Variants in CFAP100 observed in about 807,000 individuals in gnomAD.
CFAP100 encodes cilia and flagella associated protein 100.
CFAP100 carries 70 observed loss-of-function variants against 81.5 expected under a neutral mutation model. That is an observed-to-expected ratio of 0.86 (90% CI 0.71 to 1.05). CFAP100 has a LOEUF of 1.05. Among genes scored for constraint, CFAP100 ranks in the 50% least tolerant of loss-of-function variants. The probability of loss-of-function intolerance (pLI) is 0.00; values close to 1 mark genes in which losing one functional copy is unlikely to be tolerated. For missense variants in CFAP100, 811 were observed against 776.5 expected (o/e 1.04, Z -0.53); for synonymous variants, 341 against 314.8 (o/e 1.08, Z -0.88).
intron 2 of CFAP100, chr3:126,396,356 C>T: frequency 3.1e-6 from 1 of 325,872 alleles, no homozygotes; most frequent in Non-Finnish European, 5.6e-6. Context: ...CCGGGCCTCT[C>T]TCCTGGTTTC....
chr3:126,433,471 C>A, intron 14 of CFAP100: 1 of 413,100 alleles, frequency 2.4e-6, no homozygotes, highest in South Asian at 3.4e-5. Flanking sequence ...TTGTGTCTGG[C>A]AAGGTGATCC....
At position 126,420,224 on chromosome 3, in the gene CFAP100, C is replaced by T; in HGVS notation, c.1077C>T (p.Ser359=). Reference sequence around the variant, plus strand: ...CCAGCGAGTCCAGCGGTGGCGACTCCAGAGGGTGAGTGGGCTCGGGTGGTT... The same window carrying T: ...CCAGCGAGTCCAGCGGTGGCGACTCTAGAGGGTGAGTGGGCTCGGGTGGTT... ...SQPSESSGGD[S]RGSNSPIPPT... is the part of the protein sequence containing the mutation. Residue 359 remains serine, a synonymous_variant, in exon 11 of 17, where the codon TCC becomes TCT. Coordinates refer to ENST00000352312, the MANE Select transcript of CFAP100 (RefSeq NM_182628.3). The T allele has an allele frequency of 6.2e-7, 1 of 1,611,842 alleles. No homozygotes were observed. Among genetic ancestry groups the T allele is most frequent in the Non-Finnish European group, 8.5e-7 (1 of 1,179,900 alleles).
chr3:126,434,487 C>T (rs1933367241), intron 15 of CFAP100, 106 bp downstream of exon 15: 1 of 1,094,332 alleles, frequency 9.1e-7, no homozygotes. Context: ...ACAGGCCCCT[C>T]CTGCTCTGTG....
intron 5 of CFAP100, 33 bp from the exon 6 acceptor site, chr3:126,418,425 C>G: frequency 6.2e-7 from 1 of 1,611,218 alleles, no homozygotes; most frequent in Non-Finnish European, 8.5e-7. Context: ...CCTGGGCTTC[C>G]CGCTCCTGCT....
intron 2 of CFAP100, among the ~76,000 whole-genome samples, chr3:126,406,159 G>A (rs1462044139): frequency 2.0e-5 from 3 of 152,030 alleles, no homozygotes; most frequent in Non-Finnish European, 2.9e-5. Flanking sequence ...CTGCCTCCCC[G>A]ACTATACATT....
chr3:126,402,602 G>A (rs2083002447), intron 2 of CFAP100, among the ~76,000 whole-genome samples: 1 of 152,174 alleles, frequency 6.6e-6, no homozygotes, highest in South Asian at 2.1e-4. Flanking sequence ...GACAGAGGCT[G>A]TGGCTGGGGT....
At chr3:126,426,072 CAAG>C (rs2107614014) in intron 13 of CFAP100, among the ~76,000 whole-genome samples, 1 of 152,230 alleles carries the variant, frequency 6.6e-6, no homozygotes, top group Admixed American at 6.5e-5. Context: ...TGTAATAAGA[CAAG>C]AAAAATAAAA....
At chr3:126,415,382 A>T (rs1446159977) in intron 4 of CFAP100, among the ~76,000 whole-genome samples, 13 of 74,930 alleles carry the variant, frequency 1.7e-4, no homozygotes, top group Admixed American at 5.3e-4. Flanking sequence ...AGGCTCTCCC[A>T]CTTATACCCT....
Position 126,434,201 on chromosome 3 carries a change from G to A in CFAP100, c.1448G>A (p.Cys483Tyr), listed in dbSNP as rs758882054. ...QQDKLLESLN[C>Y]KVLDVYRHCT... is the part of the protein sequence containing the mutation. ...GATAAGCTGCTAGAGAGCCTGAACT[G>A]CAAGGTGCTGGATGTGTACCGGCAC... The change falls in exon 15 of 17, where the codon TGC becomes TAC. Residue 483 changes from cysteine to tyrosine, a missense_variant. Physicochemically the swap from Cys to Tyr is radical, Grantham distance 194 (BLOSUM62 -2). Coordinates refer to ENST00000352312, the MANE Select transcript of CFAP100 (RefSeq NM_182628.3). 1.2e-6 allele frequency: 2 copies of A among 1,612,854 alleles called. No individual in the cohort carries two copies. The highest frequency in any genetic ancestry group is 1.7e-6 in the Non-Finnish European group (2 of 1,179,372).
intron 2 of CFAP100, among the ~76,000 whole-genome samples, chr3:126,406,720 G>A (rs2083069115): frequency 6.6e-6 from 1 of 152,206 alleles, no homozygotes; most frequent in Non-Finnish European, 1.5e-5. Flanking sequence ...ACTCCTCACG[G>A]TGGGATAGGG....
At chr3:126,434,949 C>T (rs16837468) in intron 15 of CFAP100, among the ~76,000 whole-genome samples, 3 of 152,138 alleles carry the variant, frequency 2.0e-5, no homozygotes, top group Non-Finnish European at 2.9e-5. Context: ...TGCTATCTGT[C>T]GGGACACCAG....
Position 126,411,361 on chromosome 3 carries a change from G to GTTTTTTTTTTTTTTTTTTT in CFAP100, c.131-2716_131-2698dup, listed in dbSNP as rs58954079. On this transcript the variant is annotated intron_variant, in intron 3 of 16. Coordinates refer to ENST00000352312, the MANE Select transcript of CFAP100 (RefSeq NM_182628.3). ...TCTGTAGTTTTTTTTGTTGTTGTTGGTTTTTTTTTTTTTTTTTTTTTTTTT... is the reference window on the plus strand; with the variant it reads ...TCTGTAGTTTTTTTTGTTGTTGTTGGTTTTTTTTTTTTTTTTTTTTTTTTTTTTTTTTTTTTTTTTTTTT... Among the ~76,000 whole-genome samples the GTTTTTTTTTTTTTTTTTTT allele has an allele frequency of 7.6e-4, 27 of 35,384 alleles. 1 individual carries two copies. Among genetic ancestry groups the GTTTTTTTTTTTTTTTTTTT allele is most frequent in the Non-Finnish European group, 1.0e-3 (22 of 21,538 alleles). The allele number at this position is 35,384 out of a possible 152,430, so 23.2% of individuals were successfully genotyped here. A position where few individuals can be genotyped will look rare whatever the true frequency, so the allele number is the denominator to read the frequency against.
In CFAP100 at chr3:126,419,096, C is replaced by A. The variant is rs765159135; in HGVS notation, c.671C>A (p.Ala224Asp). 5 of 1,558,536 alleles carry A rather than the reference C, an allele frequency of 3.2e-6. No individual in the cohort carries two copies. In the South Asian group the frequency reaches 5.8e-5, roughly 18 times the overall value. Residue 224 changes from alanine to aspartate, a missense_variant, in exon 8 of 17, where the codon GCC (alanine) becomes GAC (aspartate). By Grantham distance (126) the Ala-to-Asp change is moderately radical (BLOSUM62 -2). Transcript: ENST00000352312. ...AMRAAEKETK[A>D]KIEKILEIRD... is the part of the protein sequence containing the mutation. ...CCTAGGGCTGAGAAGGAGACCAAAG[C>A]CAAGATAGAGAAGATCCTTGAGATC...
chr3:126,416,250 C>T, intron 4 of CFAP100, 66 bp from the exon 5 acceptor site: 2 of 1,434,466 alleles, frequency 1.4e-6, no homozygotes, highest in South Asian at 1.3e-5. Context: ...AATGGGGAAC[C>T]GCGCGGGGAG....
intron 2 of CFAP100, among the ~76,000 whole-genome samples, chr3:126,402,917 G>A (rs1220452453): frequency 3.9e-5 from 6 of 152,050 alleles, no homozygotes; most frequent in African/African-American, 7.2e-5. Flanking sequence ...TGGCAGGGGC[G>A]GATGGGTCCA....
Position 126,433,218 on chromosome 3 carries a change from C to A in CFAP100, c.1422+14C>A, listed in dbSNP as rs747494747. On this transcript the variant is annotated intron_variant, in intron 14 of 16. Transcript: ENST00000352312. ...GGCGATCAGCAGGTAGGCTGGGGAT[C>A]AAGGTGGCCAGAGGCCCAGGGTAAG... 1 of 1,613,860 alleles carries A rather than the reference C, an allele frequency of 6.2e-7. No homozygotes were observed. The highest frequency in any genetic ancestry group is 8.5e-7 in the Non-Finnish European group (1 of 1,179,864).
At chr3:126,422,335 T>C (rs979574343) in intron 11 of CFAP100, among the ~76,000 whole-genome samples, 2 of 152,184 alleles carry the variant, frequency 1.3e-5, no homozygotes, top group Non-Finnish European at 2.9e-5. Flanking sequence ...AGTGCTGTAG[T>C]TGTTATCACA....
chr3:126,402,047 C>T (rs1356509712), intron 2 of CFAP100, among the ~76,000 whole-genome samples: 2 of 152,190 alleles, frequency 1.3e-5, no homozygotes, highest in Non-Finnish European at 2.9e-5. Flanking sequence ...TGTTGCCGGT[C>T]CAGAATGTGG....
At chr3:126,422,150 TGAA>T (rs1419793996) in intron 11 of CFAP100, among the ~76,000 whole-genome samples, 8 of 152,322 alleles carry the variant, frequency 5.3e-5, no homozygotes, top group Non-Finnish European at 1.0e-4. Flanking sequence ...ACATGGGGGC[TGAA>T]GTCCAGCCCA....
Sources: allele counts gnomAD v4.1 joint callset (sites outside exome capture counted in the v4.1 genomes callset), GRCh38; gene constraint gnomAD v4.1.1; transcripts MANE v1.5; gene names NCBI Gene and HGNC (gene_info 2026-07-23, HGNC 2026-07-21).